COL22A1: variants seen among roughly 807,000 people sequenced by gnomAD.
COL22A1 encodes collagen type XXII alpha 1 chain.
Under a neutral mutation model 248.9 loss-of-function variants are expected in COL22A1, and 221 were observed. That is an observed-to-expected ratio of 0.89 (90% CI 0.80 to 0.99). COL22A1 has a LOEUF of 0.99. Among genes scored for constraint, COL22A1 ranks in the 50% least tolerant of loss-of-function variants. COL22A1 has a pLI of 0.00. For missense variants in COL22A1, 2,240 were observed against 2,179.0 expected (o/e 1.03, Z -0.56); for synonymous variants, 891 against 793.4 (o/e 1.12, Z -2.07).
rs148786367 is a variant in COL22A1 at position 138,821,344 on chromosome 8, G to A, written c.1037C>T (p.Ala346Val). The change falls in exon 7 of 65, where the codon GCT becomes GTT. Residue 346 changes from alanine to valine, a missense_variant. By Grantham distance (64) the Ala-to-Val change is moderately conservative. Transcript: ENST00000303045. ...AGAACCTCGGAAGACCACCCTGACA[G>A]CATCTTTCATGGCACCCACAGCGTT... Reference protein sequence around the residue: ...EYNAVGAMKDAVRVVFRGSRV... With the variant: ...EYNAVGAMKDVVRVVFRGSRV... 3 of 1,614,044 alleles carry A rather than the reference G, an allele frequency of 1.9e-6. No individual in the cohort carries two copies. The highest frequency in any genetic ancestry group is 2.5e-6 in the Non-Finnish European group (3 of 1,180,014).
At chr8:138,812,035 C>T (rs558876505) in intron 8 of COL22A1, 114 bp from the exon 9 acceptor site, 114 of 1,242,650 alleles carry the variant, frequency 9.2e-5, no homozygotes, top group Middle Eastern at 2.8e-4. Context: ...GTTGAGAAAA[C>T]GCTGAGGATG....
intron 30 of COL22A1, among the ~76,000 whole-genome samples, chr8:138,705,812 C>T (rs1372819170): frequency 6.6e-6 from 1 of 152,260 alleles, no homozygotes; most frequent in Non-Finnish European, 1.5e-5. Context: ...GGGCTAAATG[C>T]TCCAATTAAA....
intron 51 of COL22A1, among the ~76,000 whole-genome samples, chr8:138,625,336 T>C (rs1278533790): frequency 1.3e-5 from 2 of 151,632 alleles, no homozygotes; most frequent in African/African-American, 4.8e-5. Flanking sequence ...CAAAAAAAAA[T>C]CCAGTGTGGC....
At chr8:138,760,344 G>A (rs7845811) in intron 17 of COL22A1, 57 bp from the exon 18 acceptor site, 3 of 1,504,502 alleles carry the variant, frequency 2.0e-6, no homozygotes, top group Non-Finnish European at 2.7e-6. Flanking sequence ...CGGTGGTGGG[G>A]TGTTGGGGAG....
At chr8:138,617,617 G>C (rs1455388395) in intron 53 of COL22A1, among the ~76,000 whole-genome samples, 1 of 152,188 alleles carries the variant, frequency 6.6e-6, no homozygotes, top group Non-Finnish European at 1.5e-5. Flanking sequence ...TCTGCACTTA[G>C]TGGATGTAAA....
chr8:138,635,063 C>T lies in COL22A1; in HGVS notation c.3556G>A (p.Gly1186Ser). Residue 1186 changes from glycine (G) to serine (S), a missense_variant and splice_region_variant, in exon 49 of 65, where the codon GGT becomes AGT. Transcript: ENST00000303045. ...DGEVGQKGDQ[G>S]HPGVPGFMGP... ...ATGAAACCTGGAACTCCAGGATGAC[C>T]CTAGGAAAACACAAGATGCAATTCT... 2 of 1,606,082 alleles carry T rather than the reference C, an allele frequency of 1.2e-6. No homozygotes were observed. Among genetic ancestry groups the T allele is most frequent in the Non-Finnish European group, 1.7e-6 (2 of 1,175,798 alleles).
intron 37 of COL22A1, among the ~76,000 whole-genome samples, chr8:138,685,529 C>T (rs542827041): frequency 6.6e-4 from 101 of 152,318 alleles, no homozygotes; most frequent in African/African-American, 2.2e-3. Context: ...CTAACCCCTA[C>T]TACTTCAATG....
Position 138,654,987 on chromosome 8 carries a change from G to C in COL22A1, c.3333+910C>G, listed in dbSNP as rs568389895. Reference sequence around the variant, plus strand: ...CTGGCCCAGCAGGACCCAGGTCCAGGCTGTTTGACTCTGCCGCTGGCCCTC... The same window carrying C: ...CTGGCCCAGCAGGACCCAGGTCCAGCCTGTTTGACTCTGCCGCTGGCCCTC... On this transcript the variant is annotated intron_variant, in intron 45 of 64. Transcript: ENST00000303045. Among the ~76,000 whole-genome samples the C allele has an allele frequency of 8.5e-5, 13 of 152,296 alleles. No individual in the cohort carries two copies. The East Asian group carries it at 2.1e-3, about 25-fold the overall frequency.
intron 30 of COL22A1, among the ~76,000 whole-genome samples, chr8:138,711,013 T>C (rs1241325186): frequency 1.3e-5 from 2 of 152,086 alleles, no homozygotes; most frequent in Non-Finnish European, 2.9e-5. Flanking sequence ...AGACTGCCTT[T>C]TGGAAATAGC....
intron 9 of COL22A1, among the ~76,000 whole-genome samples, chr8:138,808,675 A>G (rs1334898632): frequency 6.6e-6 from 1 of 152,222 alleles, no homozygotes; most frequent in Non-Finnish European, 1.5e-5. Context: ...ATATCACCAC[A>G]TTAAAAAAGG....
intron 59 of COL22A1, among the ~76,000 whole-genome samples, chr8:138,603,289 T>C (rs1047828715): frequency 6.6e-6 from 1 of 152,202 alleles, no homozygotes; most frequent in African/African-American, 2.4e-5. Context: ...ACTGATTTAA[T>C]TGCTGTAACA....
chr8:138,804,772 T>G (rs1817326216), intron 10 of COL22A1, among the ~76,000 whole-genome samples: 1 of 137,412 alleles, frequency 7.3e-6, no homozygotes. Flanking sequence ...GATGGGTGTG[T>G]GTGTGATGAG....
chr8:138,889,156 C>T (rs1824873471), intron 1 of COL22A1, among the ~76,000 whole-genome samples: 1 of 152,126 alleles, frequency 6.6e-6, no homozygotes, highest in African/African-American at 2.4e-5. Context: ...TGTCTCTCCC[C>T]ACGTCACTCA....
intron 47 of COL22A1, among the ~76,000 whole-genome samples, chr8:138,642,239 C>A (rs1396554251): frequency 6.6e-6 from 1 of 152,124 alleles, no homozygotes. Flanking sequence ...GTGGTCAACC[C>A]CAGTTATACC....
intron 23 of COL22A1, among the ~76,000 whole-genome samples, chr8:138,734,039 C>T (rs112221562): frequency 4.2e-4 from 64 of 152,328 alleles, no homozygotes; most frequent in African/African-American, 1.4e-3. Flanking sequence ...TGCTCAGCAA[C>T]TGACCCTGCC....
At chr8:138,856,661 CAA>C (rs1491331790) in intron 3 of COL22A1, among the ~76,000 whole-genome samples, 2 of 146,550 alleles carry the variant, frequency 1.4e-5, no homozygotes, top group Non-Finnish European at 3.0e-5. Context: ...AGAGACACAG[CAA>C]GAGAGAGAGA....
At chr8:138,681,509 CT>C (rs1169474674) in intron 39 of COL22A1, among the ~76,000 whole-genome samples, 1 of 152,174 alleles carries the variant, frequency 6.6e-6, no homozygotes, top group African/African-American at 2.4e-5. Flanking sequence ...GTGCTCTCAC[CT>C]TCCTGTCTTC....
chr8:138,691,769 TAA>T (rs1826940850), intron 35 of COL22A1, among the ~76,000 whole-genome samples: 1 of 151,588 alleles, frequency 6.6e-6, no homozygotes, highest in Non-Finnish European at 1.5e-5. Flanking sequence ...TGTGTACACG[TAA>T]GTGTGTGCAT....
Position 138,635,004 on chromosome 8 carries a change from A to G in COL22A1, c.3609+6T>C. ...AAAGAGGAGGGGATTAAAGATGATTACTTACTGGTGGCCCAGGGTTCCCTG... is the reference window on the plus strand; with the variant it reads ...AAAGAGGAGGGGATTAAAGATGATTGCTTACTGGTGGCCCAGGGTTCCCTG... On this transcript the variant is annotated splice_donor_region_variant and intron_variant, in intron 49 of 64. Coordinates refer to ENST00000303045, the MANE Select transcript of COL22A1 (RefSeq NM_152888.3). 1 of 1,588,610 alleles carries G rather than the reference A, an allele frequency of 6.3e-7. No individual in the cohort carries two copies. The highest frequency in any genetic ancestry group is 8.6e-7 in the Non-Finnish European group (1 of 1,157,496).
Sources: gnomAD v4.1 joint callset for allele counts (sites outside exome capture counted in the v4.1 genomes callset) on GRCh38, gnomAD v4.1.1 for gene constraint, MANE v1.5 for transcripts, NCBI Gene and HGNC (gene_info 2026-07-23, HGNC 2026-07-21) for gene names.